SPINK6: variants seen among roughly 807,000 people sequenced by gnomAD.
SPINK6 encodes the protein serine peptidase inhibitor Kazal type 6, also known as serine protease inhibitor Kazal-type 6.
SPINK6 carries 13 observed loss-of-function variants against 11.7 expected under a neutral mutation model. That is an observed-to-expected ratio of 1.11 (90% CI 0.72 to 1.76). SPINK6 has a LOEUF of 1.76. Among genes scored for constraint, SPINK6 ranks in the 40% most tolerant of loss-of-function variants. The pLI is 0.00. For missense variants in SPINK6, 98 were observed against 93.7 expected, an observed-to-expected ratio of 1.05 and a Z score of -0.19; for synonymous variants, 21 against 31.9, an observed-to-expected ratio of 0.66 and a Z score of 1.15.
chr5:148,211,119 T>G (rs1204563656), intron 2 of SPINK6, among the ~76,000 whole-genome samples: 1 of 150,820 alleles, frequency 6.6e-6, no homozygotes, highest in African/African-American at 2.5e-5. Context: ...AGAAGCAATT[T>G]GCACCTTCTC....
chr5:148,211,722 T>C (rs1755600781), intron 2 of SPINK6, among the ~76,000 whole-genome samples: 1 of 152,194 alleles, frequency 6.6e-6, no homozygotes, highest in Admixed American at 6.5e-5. Flanking sequence ...AATTTAAGAG[T>C]ATGATATTTA....
intron 2 of SPINK6, among the ~76,000 whole-genome samples, chr5:148,209,954 A>ATATGTATACATACATACGTACATATG (rs1755548650): frequency 7.8e-5 from 1 of 12,770 alleles, no homozygotes; most frequent in African/African-American, 1.6e-4. Context: ...GGTTTCATAT[A>ATATGTATACATACATACGTACATATG]TATGTATACA....
chr5:148,210,876 G>A (rs2113314518), intron 2 of SPINK6, among the ~76,000 whole-genome samples: 1 of 151,468 alleles, frequency 6.6e-6, no homozygotes, highest in African/African-American at 2.4e-5. Context: ...GTGAGGGGAA[G>A]CCAAGCTTGG....
intron 2 of SPINK6, among the ~76,000 whole-genome samples, chr5:148,210,297 TTTCTGC>T: frequency 2.7e-5 from 1 of 37,066 alleles, no homozygotes; most frequent in African/African-American, 7.9e-5. Context: ...TATATGTATG[TTTCTGC>T]ATACATATAT....
At chr5:148,204,171 A>G (rs1426811650) in intron 1 of SPINK6, among the ~76,000 whole-genome samples, 1 of 152,106 alleles carries the variant, frequency 6.6e-6, no homozygotes, top group Non-Finnish European at 1.5e-5. Flanking sequence ...TAGCTGATAG[A>G]GAAGCCAGTG....
At chr5:148,211,926 A>G (rs974097483) in intron 2 of SPINK6, among the ~76,000 whole-genome samples, 2 of 152,178 alleles carry the variant, frequency 1.3e-5, no homozygotes, top group Admixed American at 1.3e-4. Flanking sequence ...GATAAACACA[A>G]GACAGTATCA....
At chr5:148,210,044 A>T (rs1160945567) in intron 2 of SPINK6, among the ~76,000 whole-genome samples, 1 of 99,552 alleles carries the variant, frequency 1.0e-5, no homozygotes, top group African/African-American at 3.1e-5. Context: ...AAACGTATGT[A>T]TGCATATATG....
At chr5:148,204,823 A>G (rs924466966) in intron 1 of SPINK6, among the ~76,000 whole-genome samples, 5 of 152,160 alleles carry the variant, frequency 3.3e-5, no homozygotes, top group African/African-American at 1.2e-4. Flanking sequence ...ATTCCTACGT[A>G]TGAGACATTA....
At chr5:148,204,496 AT>A (rs1353648093) in intron 1 of SPINK6, among the ~76,000 whole-genome samples, 1 of 150,028 alleles carries the variant, frequency 6.7e-6, no homozygotes, top group African/African-American at 2.5e-5. Flanking sequence ...ACTAGATAGT[AT>A]TTGGGAGGCC....
chr5:148,212,776 TTA>T (rs1755629797), intron 2 of SPINK6, among the ~76,000 whole-genome samples: 1 of 127,408 alleles, frequency 7.8e-6, no homozygotes, highest in African/African-American at 3.2e-5. Flanking sequence ...TTGTATATAT[TTA>T]TATATTATAT....
chr5:148,212,013 G>A (rs542581479), intron 2 of SPINK6, among the ~76,000 whole-genome samples: 83 of 152,054 alleles, frequency 5.5e-4, no homozygotes, highest in Non-Finnish European at 1.1e-3. Flanking sequence ...TATTTGGAGG[G>A]GTTCAGCTTA....
chr5:148,204,845 CCT>C (rs1755477483), intron 1 of SPINK6, among the ~76,000 whole-genome samples: 1 of 152,086 alleles, frequency 6.6e-6, no homozygotes, highest in Admixed American at 6.6e-5. Context: ...GCAAATCTCT[CCT>C]CTTTTGATGA....
In SPINK6 at chr5:148,214,919, A is replaced by G. The variant is rs201811749; in HGVS notation, c.212A>G (p.Lys71Arg). 6.2e-7 allele frequency: 1 copy of G among 1,613,740 alleles called. No homozygotes were observed. Among genetic ancestry groups the G allele is most frequent in the East Asian group, 2.2e-5 (1 of 44,836 alleles). ...CTTTTTTGTAGGAAAAGTGGTGGAAAGATTAGCCTAAAGCATCCTGGAAAA... is the reference window on the plus strand; with the variant it reads ...CTTTTTTGTAGGAAAAGTGGTGGAAGGATTAGCCTAAAGCATCCTGGAAAA... ...FCKAIVKSGG[K>R]ISLKHPGKC Residue 71 changes from lysine (K) to arginine (R), a missense_variant, in exon 4 of 4, where the codon AAG becomes AGG. Coordinates refer to ENST00000325630, the MANE Select transcript of SPINK6 (RefSeq NM_205841.4).
chr5:148,213,819 G>C (rs1225081581), intron 2 of SPINK6, 91 bp from the exon 3 acceptor site: 1 of 670,754 alleles, frequency 1.5e-6, no homozygotes, highest in African/African-American at 1.8e-5. Flanking sequence ...ATTTATATAT[G>C]GTTTTTAAAG....
Position 148,203,057 on chromosome 5 carries a change from T to G in SPINK6, c.-40T>G, listed in dbSNP as rs768688390. On this transcript the variant is annotated 5_prime_UTR_variant, in exon 1 of 4. Transcript: ENST00000325630. Reference sequence around the variant, plus strand: ...AATTGTCTTGACAGAGAACCTCAGCTGGACAAAGCAGCCTTGATCTGAGTG... The same window carrying G: ...AATTGTCTTGACAGAGAACCTCAGCGGGACAAAGCAGCCTTGATCTGAGTG... 2 of 1,567,470 alleles carry G rather than the reference T, an allele frequency of 1.3e-6. No homozygotes were observed. Among genetic ancestry groups the G allele is most frequent in the Non-Finnish European group, 1.7e-6 (2 of 1,155,314 alleles).
chr5:148,214,213 T>C (rs1316697505), intron 3 of SPINK6, among the ~76,000 whole-genome samples, 188 bp downstream of exon 3: 2 of 152,248 alleles, frequency 1.3e-5, no homozygotes, highest in Admixed American at 1.3e-4. Context: ...CTAAATTATT[T>C]GAAGACATAA....
chr5:148,214,938 T>C lies in SPINK6; in HGVS notation c.231T>C (p.Pro77=). ...KSGGKISLKH[P]GKC ...GTGGAAAGATTAGCCTAAAGCATCC[T>C]GGAAAATGCTGAGTTAAAGCCAATG... The change falls in exon 4 of 4, where the codon CCT becomes CCC. Residue 77 remains proline, a synonymous_variant. Coordinates refer to ENST00000325630, the MANE Select transcript of SPINK6 (RefSeq NM_205841.4). The C allele has an allele frequency of 4.3e-6, 7 of 1,613,858 alleles. No individual in the cohort carries two copies. The highest frequency in any genetic ancestry group is 5.9e-6 in the Non-Finnish European group (7 of 1,179,852).
rs1489201046 is a variant in SPINK6 at position 148,209,997 on chromosome 5, C to CGTACGTGT, written c.82-3910_82-3909insCGTGTGTA. Among the ~76,000 whole-genome samples, 499 of 145,904 alleles carry CGTACGTGT rather than the reference C, an allele frequency of 3.4e-3. 41 individuals carry two copies. The highest frequency in any genetic ancestry group is 8.8e-3 in the South Asian group (40 of 4,538). ...GTACGTATGTATGTATACATATACACGTATGTATACATGTATGTACGCATG... is the reference window on the plus strand; with the variant it reads ...GTACGTATGTATGTATACATATACACGTACGTGTGTATGTATACATGTATGTACGCATG... On this transcript the variant is annotated intron_variant, in intron 2 of 3. Coordinates refer to ENST00000325630, the MANE Select transcript of SPINK6 (RefSeq NM_205841.4).
At chr5:148,204,324 A>C (rs1029944423) in intron 1 of SPINK6, among the ~76,000 whole-genome samples, 4 of 152,020 alleles carry the variant, frequency 2.6e-5, no homozygotes, top group African/African-American at 9.7e-5. Flanking sequence ...AGTTGCTGAG[A>C]TGGCAGAAAA....
Sources: gnomAD v4.1 joint callset for allele counts (sites outside exome capture counted in the v4.1 genomes callset) on GRCh38, gnomAD v4.1.1 for gene constraint, MANE v1.5 for transcripts, NCBI Gene and HGNC (gene_info 2026-07-23, HGNC 2026-07-21) for gene names.